Variants in EGFR observed in about 807,000 individuals in gnomAD.
The protein encoded by EGFR is epidermal growth factor receptor.
Under a neutral mutation model 143.0 loss-of-function variants are expected in EGFR, and 58 were observed. The observed-to-expected ratio is 0.41, with a 90% CI of 0.33 to 0.50. The LOEUF is 0.50. EGFR is among the 20% of genes least tolerant of loss of function. The pLI is 0.39. For synonymous variants in EGFR, 613 were observed against 594.4 expected, an observed-to-expected ratio of 1.03 and a Z score of -0.45; for missense variants, 1,307 against 1,579.0, an observed-to-expected ratio of 0.83 and a Z score of 2.92.
At chr7:55,060,991 G>T (rs1423184751) in intron 1 of EGFR, among the ~76,000 whole-genome samples, 1 of 152,202 alleles carries the variant, frequency 6.6e-6, no homozygotes, top group African/African-American at 2.4e-5. Context: ...TGAAAGTGAC[G>T]CCACAGAAGG....
chr7:55,092,837 T>A (rs2128895718), intron 1 of EGFR, among the ~76,000 whole-genome samples: 1 of 152,366 alleles, frequency 6.6e-6, no homozygotes. Context: ...AATTCGCAGA[T>A]AACAAATATG....
chr7:55,191,009 A>T (rs1338802537), intron 20 of EGFR, among the ~76,000 whole-genome samples: 1 of 152,190 alleles, frequency 6.6e-6, no homozygotes, highest in Admixed American at 6.5e-5. Context: ...GGTCAGGATC[A>T]GCCAGGGTCA....
At position 55,155,898 on chromosome 7, in the gene EGFR, G is replaced by A. The variant is rs2128937487; in HGVS notation, c.958G>A (p.Glu320Lys). The A allele has an allele frequency of 6.2e-7, 1 of 1,614,126 alleles. No individual in the cohort carries two copies. Among genetic ancestry groups the A allele is most frequent in the Non-Finnish European group, 8.5e-7 (1 of 1,180,044 alleles). The change falls in exon 8 of 28, where the codon GAA becomes AAA. Residue 320 changes from glutamate to lysine, a missense_variant. Physicochemically the swap from Glu to Lys is moderately conservative, Grantham distance 56. Around this residue, in one of 7 missense-constraint regions of EGFR, gnomAD observed 311 missense variants for 412.3 expected, o/e 0.75. Transcript: ENST00000275493. ...ACGADSYEME[E>K]DGVRKCKKCE... ...TGGGGCCGACAGCTATGAGATGGAG[G>A]AAGACGGCGTCCGCAAGTGTAAGAA...
At chr7:55,046,701 A>G (rs1171463832) in intron 1 of EGFR, among the ~76,000 whole-genome samples, 1 of 152,226 alleles carries the variant, frequency 6.6e-6, no homozygotes. Context: ...CCTGCAATAC[A>G]GAGCCCTGTC....
rs774773441 is a variant in EGFR at position 55,160,331 on chromosome 7, C to A, written c.1491C>A (p.Asn497Lys). ...AAATTATAAGCAACAGAGGTGAAAA[C>A]AGCTGCAGTAAGTCACCGCTTTCTG... Reference protein sequence around the residue: ...KTKIISNRGENSCKATGQVCH... With the variant: ...KTKIISNRGEKSCKATGQVCH... The change falls in exon 12 of 28, where the codon AAC (asparagine) becomes AAA (lysine). Residue 497 changes from asparagine (N) to lysine (K), a missense_variant. Physicochemically the swap from Asn to Lys is moderately conservative, Grantham distance 94. This residue lies in a region of EGFR where 250 missense variants were observed against 295.1 expected (regional missense o/e 0.85). Coordinates refer to ENST00000275493, the MANE Select transcript of EGFR (RefSeq NM_005228.5). 2 of 1,612,996 alleles carry A rather than the reference C, an allele frequency of 1.2e-6. No homozygotes were observed. Among genetic ancestry groups the A allele is most frequent in the Non-Finnish European group, 1.7e-6 (2 of 1,179,932 alleles).
At chr7:55,161,982 T>C (rs1290141341) in intron 13 of EGFR, among the ~76,000 whole-genome samples, 1 of 152,252 alleles carries the variant, frequency 6.6e-6, no homozygotes, top group African/African-American at 2.4e-5. Flanking sequence ...CCATTTGGGC[T>C]TTTCTTTGTA....
chr7:55,156,001 C>T (rs918352759), intron 8 of EGFR, 55 bp downstream of exon 8: 11 of 1,250,748 alleles, frequency 8.8e-6, no homozygotes, highest in African/African-American at 7.4e-5. Flanking sequence ...TGAGGCTGGG[C>T]TCTCATGCCA....
In EGFR at chr7:55,073,070, T is replaced by C. The variant is rs149975374; in HGVS notation, c.88+53705T>C. Among the ~76,000 whole-genome samples, 83 of 152,372 alleles carry C rather than the reference T, an allele frequency of 5.4e-4. 2 individuals carry two copies. In the East Asian group the frequency reaches 0.014, roughly 26 times the overall value. ...CTTTTGGCTAACTACCTGACTACTTTGTCGTTTCTCTTCCCTTGGAATGAA... is the reference window on the plus strand; with the variant it reads ...CTTTTGGCTAACTACCTGACTACTTCGTCGTTTCTCTTCCCTTGGAATGAA... On this transcript the variant is annotated intron_variant, in intron 1 of 27. Coordinates refer to ENST00000275493, the MANE Select transcript of EGFR (RefSeq NM_005228.5).
intron 1 of EGFR, among the ~76,000 whole-genome samples, chr7:55,120,784 AT>A (rs1436554692): frequency 6.6e-6 from 1 of 152,126 alleles, no homozygotes; most frequent in Non-Finnish European, 1.5e-5. Flanking sequence ...GCATATTCCT[AT>A]TTTTAATTGT....
intron 1 of EGFR, among the ~76,000 whole-genome samples, chr7:55,051,124 G>A (rs1211751188): frequency 1.3e-5 from 2 of 152,196 alleles, no homozygotes; most frequent in Non-Finnish European, 2.9e-5. Flanking sequence ...TGTTGGTAAG[G>A]CATACTTTTG....
intron 1 of EGFR, among the ~76,000 whole-genome samples, chr7:55,127,889 C>T (rs73135282): frequency 0.01 from 1,524 of 152,326 alleles, 9 homozygotes; most frequent in Middle Eastern, 0.02. Context: ...CTCTCAGCCC[C>T]GGGAAAGGCC....
chr7:55,175,432 ATCT>A (rs546180637), intron 19 of EGFR, among the ~76,000 whole-genome samples: 335 of 152,324 alleles, frequency 2.2e-3, no homozygotes, highest in Non-Finnish European at 3.8e-3. Context: ...GATTATTGTT[ATCT>A]TCTTACTACC....
rs780343735 is a variant in EGFR, at chr7:55,191,260, A to G, written c.2470-459A>G. On this transcript the variant is annotated intron_variant, in intron 20 of 27. Coordinates refer to ENST00000275493, the MANE Select transcript of EGFR (RefSeq NM_005228.5). ...CAAAAATCTTCATAGGCAGTGAACCATATCAGAGAGTCCAAGAAAGCACAA... is the reference window on the plus strand; with the variant it reads ...CAAAAATCTTCATAGGCAGTGAACCGTATCAGAGAGTCCAAGAAAGCACAA... 3.0e-4 allele frequency among the ~76,000 whole-genome samples: 45 copies of G among 152,334 alleles called. 1 individual carries two copies. The highest frequency in any genetic ancestry group is 1.8e-3 in the Admixed American group (28 of 15,302).
In EGFR at chr7:55,154,060, C is replaced by G. The variant is rs17336639; in HGVS notation, c.797C>G (p.Pro266Arg). 10 of 1,614,116 alleles carry G rather than the reference C, an allele frequency of 6.2e-6. No homozygotes were observed. The highest frequency in any genetic ancestry group is 1.7e-5 in the Admixed American group (1 of 60,004). Residue 266 changes from proline to arginine, a missense_variant, in exon 7 of 28, where the codon CCA becomes CGA. Pro to Arg is a moderately radical substitution (Grantham distance 103). Transcript: ENST00000275493. ...GCCACGTGCAAGGACACCTGCCCCC[C>G]ACTCATGCTCTACAACCCCACCACG... ...DEATCKDTCP[P>R]LMLYNPTTYQ...
At chr7:55,118,103 A>G (rs750946113) in intron 1 of EGFR, among the ~76,000 whole-genome samples, 2 of 152,206 alleles carry the variant, frequency 1.3e-5, no homozygotes, top group Non-Finnish European at 2.9e-5. Flanking sequence ...TTCATTAATG[A>G]ATCCTTTATT....
chr7:55,065,334 T>A (rs1302348848), intron 1 of EGFR, among the ~76,000 whole-genome samples: 1 of 152,186 alleles, frequency 6.6e-6, no homozygotes, highest in Non-Finnish European at 1.5e-5. Flanking sequence ...GTGTGGAAAC[T>A]CCCTGCACAA....
chr7:55,145,591 G>A (rs1794719573), intron 3 of EGFR, among the ~76,000 whole-genome samples: 2 of 152,144 alleles, frequency 1.3e-5, no homozygotes, highest in South Asian at 2.1e-4. Context: ...GGATCTTCAG[G>A]GGTGAATCCC....
intron 1 of EGFR, among the ~76,000 whole-genome samples, chr7:55,071,252 A>G (rs1789807107): frequency 6.6e-6 from 1 of 152,266 alleles, no homozygotes; most frequent in South Asian, 2.1e-4. Context: ...TAGAGAACTC[A>G]TAGAAGATAG....
intron 1 of EGFR, among the ~76,000 whole-genome samples, chr7:55,031,892 A>C (rs1787270490): frequency 6.6e-6 from 1 of 152,288 alleles, no homozygotes; most frequent in South Asian, 2.1e-4. Context: ...GACATTGGGC[A>C]CTCTTTTTCC....
Sources: allele counts gnomAD v4.1 joint callset (sites outside exome capture counted in the v4.1 genomes callset), GRCh38; gene constraint gnomAD v4.1.1; regional missense constraint gnomAD v4.1.1; transcripts MANE v1.5; gene names NCBI Gene and HGNC (gene_info 2026-07-23, HGNC 2026-07-21).